Variants in LRCH2 observed in about 807,000 individuals in gnomAD.
LRCH2 encodes the protein leucine-rich repeat and calponin homology domain-containing protein 2.
A neutral mutation model predicts 68.9 loss-of-function variants in LRCH2; 38 were observed. That is an observed-to-expected ratio of 0.55 (90% CI 0.43 to 0.72). LRCH2 has a LOEUF of 0.72. LRCH2 is among the 30% of genes least tolerant of loss of function. The pLI is 0.00. For missense variants in LRCH2, 528 were observed against 572.9 expected (o/e 0.92, Z 0.80); for synonymous variants, 191 against 208.1 (o/e 0.92, Z 0.71).
At chrX:115,119,064 A>G (rs1467960281) in intron 20 of LRCH2, among the ~76,000 whole-genome samples, 1 of 111,649 alleles carries the variant, frequency 9.0e-6, no homozygotes, top group Non-Finnish European at 1.9e-5. Context: ...CCAATATTAT[A>G]ATGAATGGGC....
At chrX:115,117,739 T>C (rs1240768944) in intron 20 of LRCH2, among the ~76,000 whole-genome samples, 3 of 111,384 alleles carry the variant, frequency 2.7e-5, no homozygotes, top group African/African-American at 9.7e-5. Context: ...CTCTAGAAAG[T>C]GCAAACTAAT....
intron 1 of LRCH2, among the ~76,000 whole-genome samples, chrX:115,200,593 A>G (rs1371307635): frequency 9.1e-6 from 1 of 110,184 alleles, no homozygotes; most frequent in Admixed American, 9.7e-5. Flanking sequence ...GAAATAGAAA[A>G]TCTAAACAGG....
chrX:115,111,424 T>G lies in LRCH2; in HGVS notation c.*1792A>C, dbSNP rs1219376892. ...GAAAGCAGTATGAATGATTGCTGTG[T>G]TTTTAATGGTCACTTAATTTGTAAT... On this transcript the variant is annotated 3_prime_UTR_variant, in exon 21 of 21. Transcript: ENST00000317135. 9.1e-6 allele frequency: 1 copy of G among 110,321 alleles called. No homozygotes were observed. The highest frequency in any genetic ancestry group is 2.8e-4 in the East Asian group (1 of 3,513). The allele number at this position is 110,321 out of a possible 1,213,427, so 9.1% of individuals were successfully genotyped here.
intron 5 of LRCH2, among the ~76,000 whole-genome samples, chrX:115,173,233 T>C (rs11167458): frequency 0.077 from 8,623 of 111,712 alleles, 316 homozygotes; most frequent in Non-Finnish European, 0.11. Context: ...AGACGTACAC[T>C]GACACAGATA....
chrX:115,190,522 C>T, intron 1 of LRCH2: 1 of 1,167,593 alleles, frequency 8.6e-7, no homozygotes, highest in Non-Finnish European at 1.1e-6. Context: ...CAGCAGGGAC[C>T]ACTCGCCCAA....
chrX:115,149,559 T>C (rs1035150869), intron 14 of LRCH2, among the ~76,000 whole-genome samples: 14 of 111,931 alleles, frequency 1.3e-4, no homozygotes, highest in Middle Eastern at 4.6e-3. Flanking sequence ...ATACTACATA[T>C]TGCTACAACT....
At chrX:115,205,065 C>A (rs5987863) in intron 1 of LRCH2, among the ~76,000 whole-genome samples, 11,657 of 110,886 alleles carry the variant, frequency 0.11, 474 homozygotes, top group African/African-American at 0.12. Context: ...CCTTAGGAAA[C>A]CAATCATGGT....
chrX:115,173,053 T>C lies in LRCH2; in HGVS notation c.865-2621A>G, dbSNP rs375250946. 1.5e-4 allele frequency among the ~76,000 whole-genome samples: 17 copies of C among 111,763 alleles called. No individual in the cohort carries two copies. In the East Asian group the frequency reaches 4.5e-3, roughly 30 times the overall value. On this transcript the variant is annotated intron_variant, in intron 5 of 20. Transcript: ENST00000317135. ...AAGGTATCATTCCAACATCTGCCAG[T>C]TTCCACAACTGCTGCTAGAAAGCCA...
At chrX:115,185,156 T>C (rs1321558212) in intron 2 of LRCH2, among the ~76,000 whole-genome samples, 1 of 112,339 alleles carries the variant, frequency 8.9e-6, no homozygotes, top group African/African-American at 3.2e-5. Flanking sequence ...GTAGATACAT[T>C]TAAATATAAT....
At chrX:115,196,072 A>T (rs1309018249) in intron 1 of LRCH2, among the ~76,000 whole-genome samples, 2 of 111,384 alleles carry the variant, frequency 1.8e-5, no homozygotes, top group African/African-American at 6.5e-5. Flanking sequence ...TCAATGGGGA[A>T]TCCCACAATC....
intron 14 of LRCH2, among the ~76,000 whole-genome samples, chrX:115,143,121 A>T (rs2147365445): frequency 9.0e-6 from 1 of 111,603 alleles, no homozygotes; most frequent in African/African-American, 3.3e-5. Context: ...AAACAAAAAC[A>T]AAAGAAATAA....
intron 11 of LRCH2, among the ~76,000 whole-genome samples, chrX:115,161,353 C>CA (rs1299120135): frequency 2.0e-5 from 2 of 102,554 alleles, no homozygotes; most frequent in East Asian, 3.0e-4. Context: ...GACTCTGTCT[C>CA]AAAAAAAAAA....
At chrX:115,220,689 T>C (rs2073072577) in intron 1 of LRCH2, among the ~76,000 whole-genome samples, 1 of 111,285 alleles carries the variant, frequency 9.0e-6, no homozygotes, top group African/African-American at 3.3e-5. Context: ...CTGGACTTCA[T>C]CTACAAACGT....
chrX:115,169,142 T>C (rs1278512889), intron 6 of LRCH2, among the ~76,000 whole-genome samples: 7 of 112,042 alleles, frequency 6.2e-5, no homozygotes, highest in East Asian at 2.8e-4. Flanking sequence ...CATTCCTTCA[T>C]AGCACAGAAT....
rs1234296330 is a variant in LRCH2 at position 115,149,827 on chromosome X, C to G, written c.1695G>C (p.Lys565Asn). 3 of 1,127,049 alleles carry G rather than the reference C, an allele frequency of 2.7e-6. No individual in the cohort carries two copies. Among genetic ancestry groups the G allele is most frequent in the African/African-American group, 3.6e-5 (2 of 54,803 alleles). 92.9% of individuals were successfully genotyped at this position (1,127,049 alleles called of 1,213,427 possible). ...AATTTAAAAACTTAATATAGAGTAC[C>G]TTGAAATATTCTTTTCTAATCTGTT... ...RSKQIRKEYF[K>N]YKSMRKSSSG... The change falls in exon 14 of 21, where the codon AAG (lysine) becomes AAC (asparagine). Residue 565 changes from lysine to asparagine, a missense_variant and splice_region_variant. Coordinates refer to ENST00000317135, the MANE Select transcript of LRCH2 (RefSeq NM_020871.4).
At chrX:115,195,209 G>T (rs1398358511) in intron 1 of LRCH2, among the ~76,000 whole-genome samples, 1 of 109,172 alleles carries the variant, frequency 9.2e-6, no homozygotes, top group East Asian at 2.9e-4. Context: ...GCTTGAACCC[G>T]GGAGGCAGAG....
intron 1 of LRCH2, 57 bp downstream of exon 1, chrX:115,233,636 A>G: frequency 9.4e-7 from 1 of 1,062,088 alleles, no homozygotes; most frequent in Non-Finnish European, 1.2e-6. Flanking sequence ...CCACGCAGCC[A>G]CCCACTCCCC....
At chrX:115,201,035 A>G (rs997692324) in intron 1 of LRCH2, among the ~76,000 whole-genome samples, 6 of 111,830 alleles carry the variant, frequency 5.4e-5, no homozygotes, top group African/African-American at 1.9e-4. Context: ...TTGGACTTAC[A>G]GTTCCAAATG....
At chrX:115,178,325 C>A (rs1171313897) in intron 5 of LRCH2, among the ~76,000 whole-genome samples, 1 of 111,754 alleles carries the variant, frequency 8.9e-6, no homozygotes, top group Non-Finnish European at 1.9e-5. Flanking sequence ...TTAAATAAAT[C>A]AAATTAAAAT....
Sources: allele counts gnomAD v4.1 joint callset (sites outside exome capture counted in the v4.1 genomes callset), GRCh38; gene constraint gnomAD v4.1.1; transcripts MANE v1.5; gene names NCBI Gene and HGNC (gene_info 2026-07-23, HGNC 2026-07-21).